Variants in ADGRA3 observed in about 807,000 individuals in gnomAD.
The protein encoded by ADGRA3 is G-protein coupled receptor 125.
Under a neutral mutation model 119.8 loss-of-function variants are expected in ADGRA3, and 56 were observed. That is an observed-to-expected ratio of 0.47 (90% CI 0.38 to 0.58). The LOEUF (loss-of-function observed/expected upper bound fraction) is 0.58. ADGRA3 is among the 20% of genes least tolerant of loss of function. The probability of loss-of-function intolerance (pLI) is 0.00; values close to 1 mark genes in which losing one functional copy is unlikely to be tolerated. For synonymous variants in ADGRA3, 607 were observed against 623.8 expected (o/e 0.97, Z 0.40); for missense variants, 1,516 against 1,649.0 (o/e 0.92, Z 1.40).
rs190523033 is a variant in ADGRA3 at position 22,424,786 on chromosome 4, C to T, written c.1444-434G>A. Among the ~76,000 whole-genome samples, 389 of 152,196 alleles carry T rather than the reference C, an allele frequency of 2.6e-3. 3 individuals are homozygous for T. Among genetic ancestry groups the T allele is most frequent in the Middle Eastern group, 3.4e-3 (1 of 292 alleles). ...ACTATTATTATTAAGAAATACACAC[C>T]GCCAGCAGGGCGTGGTGGCTCACAC... On this transcript the variant is annotated intron_variant, in intron 10 of 18. Coordinates refer to ENST00000334304, the MANE Select transcript of ADGRA3 (RefSeq NM_145290.4).
rs1341475151 is a variant in ADGRA3 at position 22,470,321 on chromosome 4, A to T, written c.329+3451T>A. On this transcript the variant is annotated intron_variant, in intron 2 of 18. Transcript: ENST00000334304. ...AACCCCAAATCCAAGCTCCTAAATT[A>T]AAAAAAAAAAAAAAATCAACCTAAA... Among the ~76,000 whole-genome samples, 6 of 14,792 alleles carry T rather than the reference A, an allele frequency of 4.1e-4. 1 individual carries two copies. Among genetic ancestry groups the T allele is most frequent in the African/African-American group, 5.0e-4 (4 of 8,048 alleles). 9.7% of individuals were successfully genotyped at this position (14,792 alleles called of 152,430 possible). A position where few individuals can be genotyped will look rare whatever the true frequency, so the allele number is the denominator to read the frequency against.
intron 1 of ADGRA3, among the ~76,000 whole-genome samples, chr4:22,496,437 C>CTAG (rs1027439817): frequency 4.1e-4 from 62 of 152,258 alleles, no homozygotes; most frequent in African/African-American, 1.3e-3. Context: ...CAAACATTAC[C>CTAG]TATTATTATT....
At chr4:22,400,995 T>G (rs1457318537) in intron 16 of ADGRA3, among the ~76,000 whole-genome samples, 1 of 152,214 alleles carries the variant, frequency 6.6e-6, no homozygotes, top group Non-Finnish European at 1.5e-5. Flanking sequence ...GTAAGATATT[T>G]TTAAATTCTT....
chr4:22,407,695 T>C (rs1278348905), intron 14 of ADGRA3, among the ~76,000 whole-genome samples: 2 of 152,114 alleles, frequency 1.3e-5, no homozygotes, highest in Admixed American at 1.3e-4. Context: ...AAATTAAACA[T>C]CAAATGTGTG....
intron 1 of ADGRA3, among the ~76,000 whole-genome samples, chr4:22,495,903 C>T (rs571510762): frequency 1.0e-3 from 155 of 148,822 alleles, no homozygotes; most frequent in African/African-American, 3.6e-3. Flanking sequence ...AGCAAGACTC[C>T]GTCTCAAAAA....
intron 14 of ADGRA3, among the ~76,000 whole-genome samples, chr4:22,411,433 T>C (rs1019709940): frequency 9.2e-5 from 14 of 152,020 alleles, no homozygotes; most frequent in African/African-American, 3.4e-4. Context: ...ACCCAGTCTC[T>C]ACTAAAAATA....
intron 1 of ADGRA3, among the ~76,000 whole-genome samples, chr4:22,513,650 G>A (rs1345094137): frequency 1.3e-5 from 2 of 150,940 alleles, no homozygotes; most frequent in Non-Finnish European, 2.9e-5. Flanking sequence ...TAGCTGGAAT[G>A]ACAGGCATAC....
chr4:22,420,752 C>T, intron 12 of ADGRA3, 134 bp downstream of exon 12: 2 of 840,362 alleles, frequency 2.4e-6, no homozygotes, highest in South Asian at 3.3e-5. Context: ...TTCTTTAAAA[C>T]AGTAGCAAAA....
At chr4:22,476,740 C>T (rs1192377799) in intron 1 of ADGRA3, among the ~76,000 whole-genome samples, 1 of 151,600 alleles carries the variant, frequency 6.6e-6, no homozygotes, top group Admixed American at 6.6e-5. Flanking sequence ...GATCTCAATT[C>T]ACTACAATCT....
At chr4:22,469,363 T>C (rs1717776867) in intron 2 of ADGRA3, among the ~76,000 whole-genome samples, 1 of 152,226 alleles carries the variant, frequency 6.6e-6, no homozygotes, top group Non-Finnish European at 1.5e-5. Context: ...ACACTACTTG[T>C]CTTCTTCACT....
At chr4:22,450,936 GAAA>G (rs59216994) in intron 4 of ADGRA3, among the ~76,000 whole-genome samples, 69,469 of 125,960 alleles carry the variant, frequency 0.55, 19,245 homozygotes, top group Non-Finnish European at 0.63. Context: ...GGATATAACA[GAAA>G]AAAAAAAAAA....
intron 16 of ADGRA3, among the ~76,000 whole-genome samples, chr4:22,398,971 G>A (rs916498446): frequency 6.6e-6 from 1 of 152,098 alleles, no homozygotes; most frequent in Non-Finnish European, 1.5e-5. Flanking sequence ...GGGGACGTCC[G>A]CTTACATTCC....
chr4:22,453,105 G>A (rs961490016), intron 4 of ADGRA3, among the ~76,000 whole-genome samples: 1 of 151,440 alleles, frequency 6.6e-6, no homozygotes, highest in Non-Finnish European at 1.5e-5. Flanking sequence ...GCAAGGCTGA[G>A]GCAGAGAATG....
intron 2 of ADGRA3, among the ~76,000 whole-genome samples, chr4:22,466,317 CT>C (rs1717655422): frequency 6.6e-6 from 1 of 152,152 alleles, no homozygotes; most frequent in South Asian, 2.1e-4. Flanking sequence ...GACCTCTGCA[CT>C]TGGGATTCCC....
intron 1 of ADGRA3, among the ~76,000 whole-genome samples, chr4:22,501,959 A>G (rs1719062586): frequency 6.6e-6 from 1 of 151,956 alleles, no homozygotes; most frequent in Non-Finnish European, 1.5e-5. Context: ...TCTGAAAAGT[A>G]AATCCTAGTA....
intron 3 of ADGRA3, among the ~76,000 whole-genome samples, chr4:22,456,390 C>G (rs1323698639): frequency 6.6e-6 from 1 of 152,108 alleles, no homozygotes; most frequent in Non-Finnish European, 1.5e-5. Context: ...ATCCAGTCAG[C>G]TGGGGCCCTG....
chr4:22,505,602 G>A (rs529583860), intron 1 of ADGRA3, among the ~76,000 whole-genome samples: 5 of 149,560 alleles, frequency 3.3e-5, no homozygotes, highest in African/African-American at 5.0e-5. Context: ...AGCAGACATC[G>A]CGCCACTGCA....
chr4:22,429,254 G>T (rs996121753), intron 10 of ADGRA3, among the ~76,000 whole-genome samples: 1 of 152,178 alleles, frequency 6.6e-6, no homozygotes, highest in South Asian at 2.1e-4. Flanking sequence ...AAACACGTAC[G>T]TGCACTTCCT....
At chr4:22,427,748 T>C (rs1716001066) in intron 10 of ADGRA3, among the ~76,000 whole-genome samples, 1 of 152,140 alleles carries the variant, frequency 6.6e-6, no homozygotes, top group Admixed American at 6.5e-5. Context: ...ATTCCTGAAA[T>C]TTGACACACA....
Sources: allele counts gnomAD v4.1 joint callset (sites outside exome capture counted in the v4.1 genomes callset), GRCh38; gene constraint gnomAD v4.1.1; transcripts MANE v1.5; gene names NCBI Gene and HGNC (gene_info 2026-07-23, HGNC 2026-07-21).